AKAP9: variants seen among roughly 807,000 people sequenced by gnomAD.
The protein encoded by AKAP9 is A-kinase anchor protein 9.
In AKAP9, 311 loss-of-function variants were observed where a neutral mutation model predicts 488.5. The observed-to-expected ratio is 0.64, with a 90% confidence interval of 0.58 to 0.70. The LOEUF (loss-of-function observed/expected upper bound fraction) is 0.70. Among genes scored for constraint, AKAP9 ranks in the 30% least tolerant of loss-of-function variants. AKAP9 has a pLI of 0.00. For synonymous variants in AKAP9, 1,462 were observed against 1,483.5 expected (o/e 0.99, Z 0.33); for missense variants, 4,215 against 4,374.5 (o/e 0.96, Z 1.03).
chr7:92,011,194 A>G (rs1681618018), intron 8 of AKAP9, among the ~76,000 whole-genome samples: 1 of 152,214 alleles, frequency 6.6e-6, no homozygotes, highest in Admixed American at 6.5e-5. Context: ...AGAATCAAGT[A>G]TAGGATACCC....
rs1799277299 is a variant in AKAP9 at position 92,002,355 on chromosome 7, C to G, written c.2438C>G (p.Ser813Cys). ...TTCTTAGACTCCATTAAGTCCAAAT[C>G]CAAAGACTCTGTGTGGGAAAAAGAA... ...LIFLDSIKSK[S>C]KDSVWEKEIE... Residue 813 changes from serine (S) to cysteine (C), a missense_variant, in exon 8 of 50, where the codon TCC (serine) becomes TGC (cysteine). By Grantham distance (112) the Ser-to-Cys change is moderately radical. Around this residue, in one of 5 missense-constraint regions of AKAP9, gnomAD observed 2,361 missense variants for 2,430.0 expected, o/e 0.97. Coordinates refer to ENST00000356239, the MANE Select transcript of AKAP9 (RefSeq NM_005751.5). The G allele has an allele frequency of 6.2e-7, 1 of 1,612,566 alleles. No homozygotes were observed. Among genetic ancestry groups the G allele is most frequent in the East Asian group, 2.2e-5 (1 of 44,744 alleles).
intron 1 of AKAP9, among the ~76,000 whole-genome samples, chr7:91,960,583 G>C (rs904758833): frequency 6.6e-6 from 1 of 152,004 alleles, no homozygotes; most frequent in African/African-American, 2.4e-5. Context: ...AATTTTTTCT[G>C]TGTGAGGCTC....
Position 92,093,166 on chromosome 7 carries a change from T to C in AKAP9, c.9428T>C (p.Met3143Thr). 4.3e-6 allele frequency: 7 copies of C among 1,614,148 alleles called. 1 individual carries two copies. The South Asian group carries it at 7.7e-5, about 18-fold the overall frequency. The part of the protein sequence containing the change: ...MLEMQVELSS[M>T]KDRATELQEQ... ...GAGATGCAAGTGGAGCTCAGCAGTA[T>C]GAAAGACAGAGCAACGGAACTGCAG... The change falls in exon 39 of 50, where the codon ATG becomes ACG. Residue 3143 changes from methionine (M) to threonine (T), a missense_variant. Physicochemically the swap from Met to Thr is moderately conservative, Grantham distance 81 (BLOSUM62 -1). This residue lies in a region of AKAP9 where 1,476 missense variants were observed against 1,477.4 expected (regional missense o/e 1.00). Coordinates refer to ENST00000356239, the MANE Select transcript of AKAP9 (RefSeq NM_005751.5).
chr7:92,067,017 A>G (rs1471188048), intron 26 of AKAP9, among the ~76,000 whole-genome samples: 2 of 152,180 alleles, frequency 1.3e-5, no homozygotes, highest in Non-Finnish European at 2.9e-5. Context: ...TCAACCATTC[A>G]GAGGCATTTA....
chr7:91,994,626 A>G lies in AKAP9; in HGVS notation c.582A>G (p.Gln194=), dbSNP rs1220068153. The G allele has an allele frequency of 1.2e-6, 2 of 1,611,952 alleles. No homozygotes were observed. The highest frequency in any genetic ancestry group is 1.3e-5 in the African/African-American group (1 of 74,998). The change falls in exon 6 of 50, where the codon CAA becomes CAG. Residue 194 remains glutamine, a synonymous_variant. Transcript: ENST00000356239. ...TYGTEGLQQL[Q]EFEAAIKQRD... ...CACTTACTATTTTCTTTCAGTTACAAGAATTTGAAGCTGCCATTAAACAAA... is the reference window on the plus strand; with the variant it reads ...CACTTACTATTTTCTTTCAGTTACAGGAATTTGAAGCTGCCATTAAACAAA...
At chr7:92,014,934 G>C (rs1801299709) in intron 10 of AKAP9, among the ~76,000 whole-genome samples, 1 of 152,062 alleles carries the variant, frequency 6.6e-6, no homozygotes, top group Non-Finnish European at 1.5e-5. Flanking sequence ...ACGGTGTAGA[G>C]TGAGCCAAAA....
intron 7 of AKAP9, among the ~76,000 whole-genome samples, chr7:92,000,454 G>A (rs2130660970): frequency 6.6e-6 from 1 of 152,208 alleles, no homozygotes; most frequent in Non-Finnish European, 1.5e-5. Flanking sequence ...TTATCTTTCT[G>A]AATGTGTCTA....
At chr7:92,103,341 G>A (rs1335789821) in intron 46 of AKAP9, among the ~76,000 whole-genome samples, 1 of 132,850 alleles carries the variant, frequency 7.5e-6, no homozygotes. Flanking sequence ...GGTGAGCCGA[G>A]ATCGGCGCCA....
intron 12 of AKAP9, among the ~76,000 whole-genome samples, chr7:92,017,524 A>G (rs1225311848): frequency 2.0e-5 from 3 of 152,158 alleles, no homozygotes; most frequent in Non-Finnish European, 2.9e-5. Flanking sequence ...AAGTCTGTAG[A>G]AAACTAGGTA....
At chr7:91,974,019 T>G (rs1188889472) in intron 2 of AKAP9, 51 bp downstream of exon 2, 1 of 1,602,876 alleles carries the variant, frequency 6.2e-7, no homozygotes, top group Non-Finnish European at 8.5e-7. Flanking sequence ...TGGAAAGTAG[T>G]CATAACAACA....
chr7:92,096,775 A>T lies in AKAP9; in HGVS notation c.9816A>T (p.Glu3272Asp). ...LLEQQKQLLN[E>D]SQQKIESQRM... ...AACAACAGAAACAACTACTGAACGA[A>T]TCCCAGCAAAAAATAGAATCACAGA... The change falls in exon 41 of 50, where the codon GAA becomes GAT. Residue 3272 changes from glutamate to aspartate, a missense_variant. By Grantham distance (45) the Glu-to-Asp change is conservative (BLOSUM62 2). This residue lies in a region of AKAP9 where 1,476 missense variants were observed against 1,477.4 expected (regional missense o/e 1.00). Transcript: ENST00000356239. The T allele has an allele frequency of 6.2e-7, 1 of 1,614,258 alleles. No individual in the cohort carries two copies. Among genetic ancestry groups the T allele is most frequent in the Non-Finnish European group, 8.5e-7 (1 of 1,180,044 alleles).
At chr7:92,074,896 G>C (rs989666584) in intron 28 of AKAP9, among the ~76,000 whole-genome samples, 3 of 152,126 alleles carry the variant, frequency 2.0e-5, no homozygotes, top group Admixed American at 1.3e-4. Context: ...AGCATTGGGA[G>C]AAACACCTAA....
intron 24 of AKAP9, 36 bp from the exon 25 acceptor site, chr7:92,065,195 G>T (rs771572096): frequency 1.5e-6 from 2 of 1,341,760 alleles, no homozygotes; most frequent in Admixed American, 3.6e-5. Context: ...ATCATTAATT[G>T]TGATTTAATT....
chr7:92,078,142 A>C (rs765751510), intron 30 of AKAP9, among the ~76,000 whole-genome samples: 18 of 151,906 alleles, frequency 1.2e-4, no homozygotes, highest in East Asian at 1.9e-4. Context: ...GATTACAGGC[A>C]CCCACCATCA....
At chr7:92,010,624 G>A (rs776077729) in intron 8 of AKAP9, among the ~76,000 whole-genome samples, 15 of 152,174 alleles carry the variant, frequency 9.9e-5, no homozygotes, top group Non-Finnish European at 1.8e-4. Flanking sequence ...TTCCCAAAGT[G>A]CTGGGATTAC....
intron 8 of AKAP9, among the ~76,000 whole-genome samples, chr7:92,007,662 G>A (rs1800099097): frequency 6.6e-6 from 1 of 152,160 alleles, no homozygotes; most frequent in African/African-American, 2.4e-5. Context: ...TCCTTATGTA[G>A]TTCCATTCCA....
In AKAP9 at chr7:92,079,403, A is replaced by G. The variant is rs896524949; in HGVS notation, c.7270A>G (p.Asn2424Asp). The G allele has an allele frequency of 1.2e-6, 2 of 1,613,982 alleles. No individual in the cohort carries two copies. The highest frequency in any genetic ancestry group is 1.3e-5 in the African/African-American group (1 of 74,946). ...ACTTAAAGAAACCAATTTTAAAATGAATCAGCTAACACAGGAATTATTCAG... is the reference window on the plus strand; with the variant it reads ...ACTTAAAGAAACCAATTTTAAAATGGATCAGCTAACACAGGAATTATTCAG... ...NVLKETNFKM[N>D]QLTQELFSLK... Residue 2424 changes from asparagine to aspartate, a missense_variant, in exon 31 of 50, where the codon AAT (asparagine) becomes GAT (aspartate). Physicochemically the swap from Asn to Asp is conservative, Grantham distance 23 (BLOSUM62 1). Coordinates refer to ENST00000356239, the MANE Select transcript of AKAP9 (RefSeq NM_005751.5).
Position 92,084,897 on chromosome 7 carries a change from A to C in AKAP9, c.8789A>C (p.Glu2930Ala). 4 of 1,613,522 alleles carry C rather than the reference A, an allele frequency of 2.5e-6. No individual in the cohort carries two copies. The highest frequency in any genetic ancestry group is 3.4e-6 in the Non-Finnish European group (4 of 1,179,666). The change falls in exon 35 of 50, where the codon GAA (glutamate) becomes GCA (alanine). Residue 2930 changes from glutamate to alanine, a missense_variant. By Grantham distance (107) the Glu-to-Ala change is moderately radical. Coordinates refer to ENST00000356239, the MANE Select transcript of AKAP9 (RefSeq NM_005751.5). ...GFDIASEGRG[E>A]ESESATDSFP... is the part of the protein sequence containing the mutation. ...GACATAGCATCAGAAGGCCGAGGAG[A>C]AGAAAGTGAAAGTGCAACAGATTCC...
chr7:91,959,015 G>A (rs1793391203), intron 1 of AKAP9, among the ~76,000 whole-genome samples: 2 of 151,926 alleles, frequency 1.3e-5, no homozygotes, highest in African/African-American at 2.4e-5. Context: ...CTGCCAAGTA[G>A]CTAGGACCAC....
Sources: gnomAD v4.1 joint callset for allele counts (sites outside exome capture counted in the v4.1 genomes callset) on GRCh38, gnomAD v4.1.1 for gene constraint, gnomAD v4.1.1 regional missense constraint, MANE v1.5 for transcripts, NCBI Gene and HGNC (gene_info 2026-07-23, HGNC 2026-07-21) for gene names.